Variants in MORC1 observed in about 807,000 individuals in gnomAD.
MORC1 encodes MORC family CW-type zinc finger protein 1.
Under a neutral mutation model 134.9 loss-of-function variants are expected in MORC1, and 59 were observed. That is an observed-to-expected ratio of 0.44 (90% confidence interval 0.35 to 0.54). The LOEUF (loss-of-function observed/expected upper bound fraction) is 0.54, where lower values mean the gene tolerates loss of function less well. Among genes scored for constraint, MORC1 ranks in the 20% least tolerant of loss-of-function variants. The pLI is 0.00. For synonymous variants in MORC1, 395 were observed against 391.7 expected (o/e 1.01, Z -0.10); for missense variants, 947 against 1,134.5 (o/e 0.83, Z 2.37).
chr3:108,992,143 T>C (rs147543385), intron 21 of MORC1, among the ~76,000 whole-genome samples: 12 of 152,282 alleles, frequency 7.9e-5, no homozygotes, highest in Non-Finnish European at 1.6e-4. Flanking sequence ...CAAAGCTCTT[T>C]TCAATGTGAT....
intron 26 of MORC1, 84 bp from the exon 27 acceptor site, chr3:108,963,692 C>T (rs1947143372): frequency 1.1e-6 from 1 of 950,940 alleles, no homozygotes; most frequent in Admixed American, 3.1e-5. Context: ...CATATTCCAA[C>T]TCTGCCTACA....
chr3:109,082,250 TA>T (rs1156788358), intron 8 of MORC1, among the ~76,000 whole-genome samples: 2,581 of 138,718 alleles, frequency 0.019, 68 homozygotes, highest in African/African-American at 0.061. Context: ...GAGAAAAATT[TA>T]AAAAAAAAAA....
At position 109,002,281 on chromosome 3, in the gene MORC1, T is replaced by C. The variant is rs111256556; in HGVS notation, c.2086-1623A>G. On this transcript the variant is annotated intron_variant, in intron 20 of 27. Coordinates refer to ENST00000232603, the MANE Select transcript of MORC1 (RefSeq NM_014429.4). Reference sequence around the variant, plus strand: ...AAACACAACGCAGTCAGGCACTAGATGGAACAATGCTTTACTCACATAGAG... The same window carrying C: ...AAACACAACGCAGTCAGGCACTAGACGGAACAATGCTTTACTCACATAGAG... Among the ~76,000 whole-genome samples the C allele has an allele frequency of 7.8e-3, 1,188 of 152,288 alleles. 6 individuals carry two copies. The highest frequency in any genetic ancestry group is 0.013 in the Non-Finnish European group (852 of 68,028).
intron 14 of MORC1, among the ~76,000 whole-genome samples, chr3:109,038,466 C>T (rs937667417): frequency 1.3e-5 from 2 of 152,074 alleles, no homozygotes; most frequent in Non-Finnish European, 2.9e-5. Flanking sequence ...TCTATTTTGG[C>T]TTTTGTTGCC....
intron 24 of MORC1, among the ~76,000 whole-genome samples, chr3:108,973,556 T>C (rs1459627622): frequency 6.6e-6 from 1 of 151,962 alleles, no homozygotes; most frequent in African/African-American, 2.4e-5. Context: ...GTATTTTTTC[T>C]TGGTGTTTTT....
At chr3:109,038,547 C>A (rs1949434830) in intron 14 of MORC1, among the ~76,000 whole-genome samples, 2 of 152,084 alleles carry the variant, frequency 1.3e-5, no homozygotes, top group South Asian at 4.1e-4. Context: ...CCTAGGTTTT[C>A]TTCTAGGGTT....
chr3:109,069,976 C>T (rs533971270), intron 8 of MORC1, among the ~76,000 whole-genome samples: 6 of 152,324 alleles, frequency 3.9e-5, no homozygotes, highest in African/African-American at 1.4e-4. Context: ...ATAACCTACA[C>T]TTTGGTTACA....
chr3:109,093,020 G>A (rs1950760713), intron 8 of MORC1, among the ~76,000 whole-genome samples: 1 of 151,974 alleles, frequency 6.6e-6, no homozygotes, highest in Non-Finnish European at 1.5e-5. Flanking sequence ...TTAATGATCT[G>A]TAATGAATAA....
intron 20 of MORC1, among the ~76,000 whole-genome samples, chr3:109,003,304 T>C (rs1340958576): frequency 6.6e-6 from 1 of 151,806 alleles, no homozygotes; most frequent in East Asian, 1.9e-4. Flanking sequence ...TATGTTTACA[T>C]TGGTATATGT....
At chr3:109,067,617 G>C (rs1049137876) in intron 9 of MORC1, among the ~76,000 whole-genome samples, 3 of 152,106 alleles carry the variant, frequency 2.0e-5, no homozygotes, top group African/African-American at 7.2e-5. Context: ...GAAAAGATCG[G>C]CTATATTGAT....
intron 16 of MORC1, among the ~76,000 whole-genome samples, chr3:109,030,347 C>T (rs1004073383): frequency 6.6e-6 from 1 of 152,118 alleles, no homozygotes; most frequent in African/African-American, 2.4e-5. Flanking sequence ...ATAGATGGCC[C>T]ATCCTACCAT....
intron 23 of MORC1, among the ~76,000 whole-genome samples, chr3:108,980,572 C>T (rs2107446212): frequency 6.6e-6 from 1 of 152,254 alleles, no homozygotes; most frequent in Middle Eastern, 3.4e-3. Context: ...ACTTCTTCCC[C>T]TAAGCTAGCT....
chr3:109,029,584 A>G (rs564233893), intron 16 of MORC1, among the ~76,000 whole-genome samples: 5 of 152,300 alleles, frequency 3.3e-5, no homozygotes, highest in South Asian at 2.1e-4. Context: ...TTCAATGCAG[A>G]TAAGTGCATG....
At chr3:109,094,796 G>A (rs1950796867) in intron 7 of MORC1, 113 bp downstream of exon 7, 2 of 993,918 alleles carry the variant, frequency 2.0e-6, no homozygotes, top group East Asian at 6.3e-5. Flanking sequence ...TCCCCAGTGT[G>A]AATCCACATG....
chr3:109,004,185 T>C (rs1367151218), intron 20 of MORC1, among the ~76,000 whole-genome samples: 2 of 152,234 alleles, frequency 1.3e-5, no homozygotes, highest in Non-Finnish European at 2.9e-5. Flanking sequence ...TGTCTTACAC[T>C]GGGCAGAACT....
At chr3:109,078,745 TAA>T (rs1392829659) in intron 8 of MORC1, among the ~76,000 whole-genome samples, 3 of 151,892 alleles carry the variant, frequency 2.0e-5, no homozygotes, top group African/African-American at 7.2e-5. Context: ...GTTTTATTTT[TAA>T]AGTCAATTGA....
At chr3:109,065,254 A>G (rs1289098598) in intron 9 of MORC1, among the ~76,000 whole-genome samples, 1 of 144,760 alleles carries the variant, frequency 6.9e-6, no homozygotes, top group Admixed American at 6.9e-5. Context: ...TCCATTCTCA[A>G]TACAGCCACT....
At position 109,035,367 on chromosome 3, in the gene MORC1, T is replaced by C. The variant is rs3762697; in HGVS notation, c.1432A>G (p.Met478Val). The change falls in exon 15 of 28, where the codon ATG (methionine) becomes GTG (valine). Residue 478 changes from methionine to valine, a missense_variant. By Grantham distance (21) the Met-to-Val change is conservative (BLOSUM62 1). Around this residue, in one of 3 missense-constraint regions of MORC1, gnomAD observed 722 missense variants for 817.0 expected, o/e 0.88. Coordinates refer to ENST00000232603, the MANE Select transcript of MORC1 (RefSeq NM_014429.4). ...NSFQYQRRQA[M>V]GIPFIIQCDL... is the part of the protein sequence containing the mutation. ...CATTGTATGATGAATGGGATACCCA[T>C]GGCTTGTCTTCTTTGATATTGAAAA... 224,112 of 1,579,964 alleles carry C rather than the reference T, an allele frequency of 0.14. 17,260 individuals are homozygous for C. The highest frequency in any genetic ancestry group is 0.22 in the African/African-American group (16,251 of 73,356).
chr3:108,995,485 G>A (rs1479222142), intron 21 of MORC1, among the ~76,000 whole-genome samples: 1 of 152,204 alleles, frequency 6.6e-6, no homozygotes, highest in Non-Finnish European at 1.5e-5. Flanking sequence ...TTTTCTGGAG[G>A]CCAAAGGTAA....
Sources: allele counts gnomAD v4.1 joint callset (sites outside exome capture counted in the v4.1 genomes callset), GRCh38; gene constraint gnomAD v4.1.1; regional missense constraint gnomAD v4.1.1; transcripts MANE v1.5; gene names NCBI Gene and HGNC (gene_info 2026-07-23, HGNC 2026-07-21).